The following AGBL1 variants were observed in gnomAD, a reference collection of about 807,000 sequenced individuals.
AGBL1 encodes the protein AGBL carboxypeptidase 1, also known as cytosolic carboxypeptidase 4.
AGBL1 carries 130 observed loss-of-function variants against 118.9 expected under a neutral mutation model. The ratio of observed to expected loss-of-function variants is 1.09; its 90% CI spans 0.95 to 1.26. The LOEUF is 1.26. Among genes scored for constraint, AGBL1 ranks in the 50% most tolerant of loss-of-function variants. The pLI, the probability that AGBL1 is intolerant of heterozygous loss-of-function variation, is 0.00. For synonymous variants in AGBL1, 555 were observed against 478.9 expected (o/e 1.16, Z -2.08); for missense variants, 1,584 against 1,298.1 (o/e 1.22, Z -3.38).
chr15:86,342,792 T>C (rs1252643440), intron 17 of AGBL1, among the ~76,000 whole-genome samples: 1 of 152,242 alleles, frequency 6.6e-6, no homozygotes. Flanking sequence ...AAGTAGGTAC[T>C]AGATTTATGT....
Position 86,650,264 on chromosome 15 carries a change from A to G in AGBL1, c.2995-24009A>G, listed in dbSNP as rs190249928. 5.9e-5 allele frequency among the ~76,000 whole-genome samples: 9 copies of G among 152,260 alleles called. No individual in the cohort carries two copies. In the East Asian group the frequency reaches 1.7e-3, roughly 29 times the overall value. ...GACTAAGTTTGCCAGCTTCCTTATTACTAAGTATGGCCATGTGACCATCTT... is the reference window on the plus strand; with the variant it reads ...GACTAAGTTTGCCAGCTTCCTTATTGCTAAGTATGGCCATGTGACCATCTT... On this transcript the variant is annotated intron_variant, in intron 21 of 22. Transcript: ENST00000614907.
At chr15:86,238,110 C>T (rs749433475) in intron 6 of AGBL1, among the ~76,000 whole-genome samples, 10 of 152,334 alleles carry the variant, frequency 6.6e-5, no homozygotes, top group Admixed American at 2.6e-4. Context: ...AGCAGCCACC[C>T]TACCTCATCA....
chr15:86,448,588 G>A (rs1240199433), intron 18 of AGBL1, among the ~76,000 whole-genome samples: 1 of 152,246 alleles, frequency 6.6e-6, no homozygotes, highest in Non-Finnish European at 1.5e-5. Flanking sequence ...TGATATGACA[G>A]TTGTGTCTAG....
At chr15:86,542,351 T>C (rs1243646002) in intron 19 of AGBL1, among the ~76,000 whole-genome samples, 2 of 131,008 alleles carry the variant, frequency 1.5e-5, no homozygotes, top group African/African-American at 6.1e-5. Flanking sequence ...GATGCCACCA[T>C]TGAGATTTTT....
intron 21 of AGBL1, among the ~76,000 whole-genome samples, chr15:86,566,641 C>T (rs7174124): frequency 0.46 from 69,822 of 151,830 alleles, 16,832 homozygotes; most frequent in East Asian, 0.77. Flanking sequence ...TTTGGACTTG[C>T]GCAGCCCAGA....
At chr15:86,674,127 A>G in intron 21 of AGBL1, 146 bp from the exon 22 acceptor site, 1 of 809,198 alleles carries the variant, frequency 1.2e-6, no homozygotes, top group South Asian at 1.8e-5. Context: ...ACACAACAGA[A>G]TGTAATGGAC....
intron 18 of AGBL1, among the ~76,000 whole-genome samples, chr15:86,496,715 G>A (rs573094554): frequency 1.7e-4 from 25 of 151,300 alleles, no homozygotes; most frequent in Non-Finnish European, 3.0e-4. Flanking sequence ...TGGTGATTTT[G>A]CTTTAATTCA....
At chr15:86,385,396 G>A (rs986557291) in intron 17 of AGBL1, among the ~76,000 whole-genome samples, 6 of 152,126 alleles carry the variant, frequency 3.9e-5, no homozygotes, top group African/African-American at 1.4e-4. Flanking sequence ...ACCATCTGGG[G>A]GCTTGGTAGA....
At chr15:86,282,738 G>T (rs1417375085) in intron 16 of AGBL1, among the ~76,000 whole-genome samples, 2 of 152,172 alleles carry the variant, frequency 1.3e-5, no homozygotes, top group Non-Finnish European at 2.9e-5. Context: ...TCTTCCAACA[G>T]ATCAGTGATA....
At chr15:86,341,540 C>T (rs2080461658) in intron 17 of AGBL1, among the ~76,000 whole-genome samples, 2 of 152,180 alleles carry the variant, frequency 1.3e-5, no homozygotes, top group Non-Finnish European at 2.9e-5. Flanking sequence ...AGGAAGGGTA[C>T]ATCTACTATA....
chr15:86,979,697 G>T lies in AGBL1; in HGVS notation c.3222-8290G>T, dbSNP rs1348053587. ...TTTTTGTATTTTTAGTAGAGATAGGGTTTCACCGTGTTAGCCAGGATGGTC... is the reference window on the plus strand; with the variant it reads ...TTTTTGTATTTTTAGTAGAGATAGGTTTTCACCGTGTTAGCCAGGATGGTC... On this transcript the variant is annotated intron_variant, in intron 23 of 24. Transcript: ENST00000441037. Among the ~76,000 whole-genome samples the T allele has an allele frequency of 2.0e-5, 3 of 152,070 alleles. 1 individual carries two copies. In the South Asian group the frequency reaches 6.2e-4, roughly 32 times the overall value.
intron 21 of AGBL1, among the ~76,000 whole-genome samples, chr15:86,643,799 G>A (rs750286090): frequency 6.6e-6 from 1 of 151,984 alleles, no homozygotes; most frequent in Admixed American, 6.6e-5. Flanking sequence ...TATTTATGCA[G>A]GTTTACATTT....
chr15:86,174,014 T>G (rs1485645158), intron 5 of AGBL1, among the ~76,000 whole-genome samples: 1 of 152,178 alleles, frequency 6.6e-6, no homozygotes, highest in Admixed American at 6.5e-5. Flanking sequence ...TTGCATTGAA[T>G]CTGTAGATTG....
intron 18 of AGBL1, among the ~76,000 whole-genome samples, chr15:86,471,829 G>A (rs545205558): frequency 6.6e-6 from 1 of 152,040 alleles, no homozygotes; most frequent in Non-Finnish European, 1.5e-5. Flanking sequence ...AAAAGATATT[G>A]GCATGTCTTG....
rs963958604 is a variant in AGBL1 at position 86,285,993 on chromosome 15, A to AT, written c.2220+6219dup. On this transcript the variant is annotated intron_variant, in intron 16 of 22. Coordinates refer to ENST00000614907, the MANE Select transcript of AGBL1 (RefSeq NM_001386094.1). Reference sequence around the variant, plus strand: ...ATCTGATTTATAAAATCTAGATTTTATTTTTTTTTAAAGTTTGATATCAGG... The same window carrying AT: ...ATCTGATTTATAAAATCTAGATTTTATTTTTTTTTTAAAGTTTGATATCAGG... Among the ~76,000 whole-genome samples, 5 of 151,244 alleles carry AT rather than the reference A, an allele frequency of 3.3e-5. No individual in the cohort carries two copies. In the East Asian group the frequency reaches 9.7e-4, roughly 29 times the overall value.
chr15:86,990,226 G>A (rs940189786), intron 24 of AGBL1, among the ~76,000 whole-genome samples: 1 of 152,014 alleles, frequency 6.6e-6, no homozygotes, highest in South Asian at 2.1e-4. Context: ...AAATAAGAAA[G>A]GTTTGGGGCC....
At chr15:86,739,605 C>A (rs2077649446) in intron 22 of AGBL1, among the ~76,000 whole-genome samples, 1 of 151,538 alleles carries the variant, frequency 6.6e-6, no homozygotes, top group Non-Finnish European at 1.5e-5. Context: ...GTTCAAATCC[C>A]ACCTCTGCCA....
At chr15:86,151,554 C>T (rs906809647) in intron 3 of AGBL1, among the ~76,000 whole-genome samples, 2 of 152,136 alleles carry the variant, frequency 1.3e-5, no homozygotes, top group Non-Finnish European at 2.9e-5. Flanking sequence ...TTATGACAAA[C>T]CCACAGCCGA....
intron 22 of AGBL1, among the ~76,000 whole-genome samples, chr15:86,722,501 T>C (rs2086740782): frequency 6.6e-6 from 1 of 152,110 alleles, no homozygotes; most frequent in Non-Finnish European, 1.5e-5. Flanking sequence ...TATACAAAAA[T>C]TAATTCAAGA....
Sources: gnomAD v4.1 joint callset for allele counts (sites outside exome capture counted in the v4.1 genomes callset) on GRCh38, gnomAD v4.1.1 for gene constraint, MANE v1.5 for transcripts, NCBI Gene and HGNC (gene_info 2026-07-23, HGNC 2026-07-21) for gene names.